GNG4: variants seen among roughly 807,000 people sequenced by gnomAD.
GNG4 encodes the protein G protein subunit gamma 4, also known as guanine nucleotide-binding protein G(I)/G(S)/G(O) subunit gamma-4.
A neutral mutation model predicts 5.8 loss-of-function variants in GNG4; 4 were observed. That is an observed-to-expected ratio of 0.69 (90% CI 0.34 to 1.57). The LOEUF (loss-of-function observed/expected upper bound fraction) is 1.57. Among genes scored for constraint, GNG4 ranks in the 40% most tolerant of loss-of-function variants. The probability of loss-of-function intolerance (pLI) is 0.06; values close to 1 mark genes in which losing one functional copy is unlikely to be tolerated. For missense variants in GNG4, 96 were observed against 95.1 expected (o/e 1.01, Z -0.04); for synonymous variants, 29 against 32.9 (o/e 0.88, Z 0.41).
chr1:235,602,591 G>A (rs572949535), intron 1 of GNG4, among the ~76,000 whole-genome samples: 1 of 152,262 alleles, frequency 6.6e-6, no homozygotes, highest in African/African-American at 2.4e-5. Context: ...ATACTGGATG[G>A]CTGCCTTGAA....
Position 235,583,810 on chromosome 1 carries a change from G to C in GNG4, c.29C>G (p.Thr10Ser), listed in dbSNP as rs770548826. 4 of 1,613,546 alleles carry C rather than the reference G, an allele frequency of 2.5e-6. No homozygotes were observed. The highest frequency in any genetic ancestry group is 3.4e-6 in the Non-Finnish European group (4 of 1,179,548). Reference protein sequence around the residue: MKEGMSNNSTTSISQARKAV... With the variant: MKEGMSNNSSTSISQARKAV... ...TTTCCTGGCTTGGGAGATGCTAGTGGTGCTGTTATTAGACATGCCCTCTTT... is the reference window on the plus strand; with the variant it reads ...TTTCCTGGCTTGGGAGATGCTAGTGCTGCTGTTATTAGACATGCCCTCTTT... The change falls in exon 3 of 4, where the codon ACC becomes AGC. Residue 10 changes from threonine (T) to serine (S), a missense_variant. Thr to Ser is a moderately conservative substitution (Grantham distance 58). Coordinates refer to ENST00000391854, the MANE Select transcript of GNG4 (RefSeq NM_001098722.2).
chr1:235,594,681 G>C (rs75324105), intron 2 of GNG4, among the ~76,000 whole-genome samples: 1 of 152,150 alleles, frequency 6.6e-6, no homozygotes, highest in Non-Finnish European at 1.5e-5. Context: ...CTCCCAGTGC[G>C]GGGCCGCTAA....
chr1:235,569,588 G>A (rs1687285059), intron 3 of GNG4, among the ~76,000 whole-genome samples: 1 of 151,502 alleles, frequency 6.6e-6, no homozygotes, highest in Non-Finnish European at 1.5e-5. Flanking sequence ...GGAGTGCAAT[G>A]GCACGATCTT....
chr1:235,606,944 CTTTTTTTTTTTT>C (rs1181596456), intron 1 of GNG4, among the ~76,000 whole-genome samples: 2 of 123,722 alleles, frequency 1.6e-5, no homozygotes, highest in Non-Finnish European at 3.3e-5. Context: ...CCTTTCTTTC[CTTTTTTTTTTTT>C]TTTTTTTTGA....
chr1:235,551,886 AT>A lies in GNG4; in HGVS notation c.*222del. ...GCACATTTGTTATTTGGCTATAAAC[AT>A]TTTGATTTTCTTTGCCAATAATGAA... On this transcript the variant is annotated 3_prime_UTR_variant, in exon 4 of 4. Transcript: ENST00000391854. 1 of 418,598 alleles carries A rather than the reference AT, an allele frequency of 2.4e-6. No individual in the cohort carries two copies. The highest frequency in any genetic ancestry group is 3.0e-5 in the South Asian group (1 of 33,304). The allele number at this position is 418,598 out of a possible 1,614,324, so 25.9% of individuals were successfully genotyped here. A position where few individuals can be genotyped will look rare whatever the true frequency, so the allele number is the denominator to read the frequency against.
intron 1 of GNG4, among the ~76,000 whole-genome samples, chr1:235,638,620 G>A (rs1465039621): frequency 6.6e-6 from 1 of 152,040 alleles, no homozygotes; most frequent in Admixed American, 6.6e-5. Context: ...AGCCTTGCCT[G>A]CATTAGGTAT....
chr1:235,590,462 A>AG (rs1252709485), intron 2 of GNG4, among the ~76,000 whole-genome samples: 5 of 152,192 alleles, frequency 3.3e-5, no homozygotes, highest in Non-Finnish European at 5.9e-5. Context: ...GGAAAAAAAA[A>AG]GAAGGTGGAG....
chr1:235,583,711 G>A (rs1687698185), intron 3 of GNG4, 29 bp downstream of exon 3: 4 of 1,412,674 alleles, frequency 2.8e-6, no homozygotes, highest in Non-Finnish European at 4.0e-6. Flanking sequence ...GCTTCGGGCG[G>A]AGGGTGGGGC....
intron 1 of GNG4, among the ~76,000 whole-genome samples, chr1:235,624,858 G>A (rs947145071): frequency 3.9e-5 from 6 of 152,188 alleles, no homozygotes; most frequent in African/African-American, 1.4e-4. Context: ...TTTGCAAACA[G>A]GCTCCTGAAC....
rs114354548 is a variant in GNG4 at position 235,628,670 on chromosome 1, C to T, written c.-123+20992G>A. On this transcript the variant is annotated intron_variant, in intron 1 of 3. Coordinates refer to ENST00000391854, the MANE Select transcript of GNG4 (RefSeq NM_001098722.2). ...GGCCAAACAGGCAGAATGCATGCTT[C>T]GATTTGCGTTTTAAAACATTTAGAA... 5.4e-3 allele frequency among the ~76,000 whole-genome samples: 827 copies of T among 152,284 alleles called. 9 individuals are homozygous for T. Among genetic ancestry groups the T allele is most frequent in the African/African-American group, 0.019 (797 of 41,564 alleles).
chr1:235,613,970 C>A (rs183037105), intron 1 of GNG4, among the ~76,000 whole-genome samples: 1 of 152,156 alleles, frequency 6.6e-6, no homozygotes, highest in Non-Finnish European at 1.5e-5. Flanking sequence ...TGAGTCACCA[C>A]GACTGGCTAA....
chr1:235,640,785 C>G (rs947764644), intron 1 of GNG4, among the ~76,000 whole-genome samples: 2 of 152,212 alleles, frequency 1.3e-5, no homozygotes, highest in South Asian at 4.1e-4. Flanking sequence ...TCAAATTGCC[C>G]GGTGGGCCAG....
intron 1 of GNG4, among the ~76,000 whole-genome samples, chr1:235,621,645 C>T (rs1016640394): frequency 2.7e-5 from 4 of 148,938 alleles, no homozygotes; most frequent in African/African-American, 9.9e-5. Context: ...TTCATATTTC[C>T]CTTTACAGTT....
intron 1 of GNG4, among the ~76,000 whole-genome samples, chr1:235,612,437 T>C (rs1265517164): frequency 6.6e-6 from 1 of 152,064 alleles, no homozygotes; most frequent in African/African-American, 2.4e-5. Flanking sequence ...CGTGGGAAGA[T>C]GCGCACCACA....
At chr1:235,556,076 G>A (rs7530913) in intron 3 of GNG4, among the ~76,000 whole-genome samples, 99,944 of 151,442 alleles carry the variant, frequency 0.66, 33,849 homozygotes, top group East Asian at 0.85. Context: ...CATGTTGGCC[G>A]GGCTGGTCTC....
intron 1 of GNG4, among the ~76,000 whole-genome samples, chr1:235,614,308 G>T (rs1265772429): frequency 6.6e-6 from 1 of 151,746 alleles, no homozygotes; most frequent in Non-Finnish European, 1.5e-5. Context: ...GGATGGTCTG[G>T]CTAGAGATTT....
At chr1:235,632,238 C>T (rs1302254584) in intron 1 of GNG4, among the ~76,000 whole-genome samples, 5 of 152,126 alleles carry the variant, frequency 3.3e-5, no homozygotes, top group Admixed American at 3.3e-4. Flanking sequence ...AGGCACACAC[C>T]ACCATGCCCA....
intron 1 of GNG4, among the ~76,000 whole-genome samples, chr1:235,608,454 T>C (rs1396858149): frequency 2.0e-5 from 3 of 152,176 alleles, no homozygotes; most frequent in Non-Finnish European, 4.4e-5. Flanking sequence ...CACTATTTAG[T>C]TCCAAAGCAC....
In GNG4 at chr1:235,583,779, C is replaced by T. The variant is rs1687700544; in HGVS notation, c.60G>A (p.Val20=). The T allele has an allele frequency of 6.2e-7, 1 of 1,613,678 alleles. No individual in the cohort carries two copies. The highest frequency in any genetic ancestry group is 1.1e-5 in the South Asian group (1 of 91,060). ...TACAGGCTTCCATCTTTAGCTGCTC[C>T]ACAGCTTTCCTGGCTTGGGAGATGC... ...TTSISQARKA[V]EQLKMEACMD... is the part of the protein sequence containing the mutation. The change falls in exon 3 of 4, where the codon GTG becomes GTA. Residue 20 remains valine, a synonymous_variant. Transcript: ENST00000391854.
Sources: gnomAD v4.1 joint callset for allele counts (sites outside exome capture counted in the v4.1 genomes callset) on GRCh38, gnomAD v4.1.1 for gene constraint, MANE v1.5 for transcripts, NCBI Gene and HGNC (gene_info 2026-07-23, HGNC 2026-07-21) for gene names.